TNRC18: variants seen among roughly 807,000 people sequenced by gnomAD.
The protein encoded by TNRC18 is trinucleotide repeat-containing gene 18 protein.
A neutral mutation model predicts 226.7 loss-of-function variants in TNRC18; 69 were observed. The observed-to-expected ratio is 0.30, with a 90% CI of 0.25 to 0.37. The LOEUF (loss-of-function observed/expected upper bound fraction) is 0.37. TNRC18 is among the 10% of genes least tolerant of loss of function. TNRC18 has a pLI of 1.00. For missense variants in TNRC18, 4,754 were observed against 4,256.6 expected, an observed-to-expected ratio of 1.12 and a Z score of -3.25; for synonymous variants, 2,449 against 1,927.6, an observed-to-expected ratio of 1.27 and a Z score of -7.09.
At chr7:5,391,335 A>T (rs1478818897) in intron 3 of TNRC18, among the ~76,000 whole-genome samples, 1 of 151,234 alleles carries the variant, frequency 6.6e-6, no homozygotes, top group Non-Finnish European at 1.5e-5. Context: ...TTTTTGAGAC[A>T]GAGTCTTACT....
At position 5,309,802 on chromosome 7, in the gene TNRC18, A is replaced by G. The variant is rs1259605492; in HGVS notation, c.8389-434T>C. 6.6e-6 allele frequency among the ~76,000 whole-genome samples: 1 copy of G among 152,166 alleles called. No individual in the cohort carries two copies. Among genetic ancestry groups the G allele is most frequent in the African/African-American group, 2.4e-5 (1 of 41,438 alleles). On this transcript the variant is annotated intron_variant, in intron 27 of 29. Coordinates refer to ENST00000430969, the MANE Select transcript of TNRC18 (RefSeq NM_001080495.3). The surrounding 1 kb of genome is among the most constrained non-coding windows in gnomAD (Gnocchi z 5.7). Reference sequence around the variant, plus strand: ...TTTTTGTAGAGAACAAGGTCTCACTATGTTGCCCAGGATGGTCTCAGACTT... The same window carrying G: ...TTTTTGTAGAGAACAAGGTCTCACTGTGTTGCCCAGGATGGTCTCAGACTT...
chr7:5,340,653 G>T (rs983894104), intron 18 of TNRC18, among the ~76,000 whole-genome samples: 22 of 151,334 alleles, frequency 1.5e-4, no homozygotes, highest in Non-Finnish European at 2.9e-4. Context: ...TGAGGCAGGA[G>T]AATCACTTGA....
intron 18 of TNRC18, among the ~76,000 whole-genome samples, chr7:5,340,584 A>AC (rs1369715811): frequency 1.3e-5 from 2 of 151,956 alleles, no homozygotes; most frequent in African/African-American, 2.4e-5. Flanking sequence ...TAAAAAAAAA[A>AC]ACACAAAAAT....
At chr7:5,349,098 C>T (rs1791513857) in intron 17 of TNRC18, among the ~76,000 whole-genome samples, 1 of 152,164 alleles carries the variant, frequency 6.6e-6, no homozygotes, top group Non-Finnish European at 1.5e-5. Context: ...GGGGGGAGGG[C>T]GAGCTCTGGG....
At chr7:5,323,550 T>C (rs1178452824) in intron 21 of TNRC18, among the ~76,000 whole-genome samples, 1 of 143,486 alleles carries the variant, frequency 7.0e-6, no homozygotes, top group African/African-American at 2.6e-5. Context: ...CCACTCGTTC[T>C]CTGTGCAGCA....
At chr7:5,379,128 C>T (rs1299803667) in intron 5 of TNRC18, among the ~76,000 whole-genome samples, 10 of 151,634 alleles carry the variant, frequency 6.6e-5, no homozygotes, top group Non-Finnish European at 1.5e-4. Flanking sequence ...ACTCAGGAGG[C>T]AGAGGTTGCA....
At position 5,357,147 on chromosome 7, in the gene TNRC18, T is replaced by C. The variant is rs1316689548; in HGVS notation, c.4963A>G (p.Lys1655Glu). The C allele has an allele frequency of 5.7e-6, 9 of 1,576,328 alleles. No homozygotes were observed. Among genetic ancestry groups the C allele is most frequent in the African/African-American group, 1.3e-5 (1 of 74,260 alleles). ...CCGCAGCCCCCGCTAGTTTTCGATT[T>C]CCCCCCAGCACTGTCCGAAAACTTG... ...PFKFSDSAGG[K>E]SKTSGGCGRY... The change falls in exon 16 of 30, where the codon AAA becomes GAA. Residue 1655 changes from lysine to glutamate, a missense_variant. Lys to Glu is a moderately conservative substitution (Grantham distance 56, BLOSUM62 1). Coordinates refer to ENST00000430969, the MANE Select transcript of TNRC18 (RefSeq NM_001080495.3).
At chr7:5,375,883 G>A in intron 9 of TNRC18, 151 bp downstream of exon 9, 5 of 751,268 alleles carry the variant, frequency 6.7e-6, no homozygotes, top group Non-Finnish European at 8.4e-6. Flanking sequence ...CGGTTCCACT[G>A]CTGCCTCCTC....
chr7:5,338,148 A>T (rs1468941326), intron 18 of TNRC18, among the ~76,000 whole-genome samples: 1 of 152,222 alleles, frequency 6.6e-6, no homozygotes, highest in African/African-American at 2.4e-5. Flanking sequence ...GGATGTAAAA[A>T]GGAATGTATA....
At chr7:5,336,703 C>T (rs1790147701) in intron 18 of TNRC18, among the ~76,000 whole-genome samples, 1 of 152,226 alleles carries the variant, frequency 6.6e-6, no homozygotes, top group Non-Finnish European at 1.5e-5. Context: ...GATTGTGCTA[C>T]TGCATTCCAG....
In TNRC18 at chr7:5,388,656, T is replaced by C. The variant is rs775016757; in HGVS notation, c.1168A>G (p.Ile390Val). Residue 390 changes from isoleucine to valine, a missense_variant, in exon 5 of 30, where the codon ATC becomes GTC. Physicochemically the swap from Ile to Val is conservative, Grantham distance 29. Coordinates refer to ENST00000430969, the MANE Select transcript of TNRC18 (RefSeq NM_001080495.3). The part of the protein sequence containing the change: ...AFDERPGPIQ[I>V]ASQARDARAR... ...CGGGCATCGCGCGCCTGGGATGCGA[T>C]CTGGATGGGCCCCGGGCGCTCGTCG... is the stretch of plus-strand genomic sequence containing the variant. 28 of 1,277,158 alleles carry C rather than the reference T, an allele frequency of 2.2e-5. No homozygotes were observed. The South Asian group carries it at 5.4e-4, about 25-fold the overall frequency. The allele number at this position is 1,277,158 out of a possible 1,614,324, so 79.1% of individuals were successfully genotyped here. A position where few individuals can be genotyped will look rare whatever the true frequency, so the allele number is the denominator to read the frequency against.
chr7:5,344,296 T>C (rs1483485337), intron 18 of TNRC18, among the ~76,000 whole-genome samples: 1 of 151,918 alleles, frequency 6.6e-6, no homozygotes, highest in Non-Finnish European at 1.5e-5. Context: ...CGGGAAGCCA[T>C]TTGGAGGTTC....
chr7:5,357,602 C>G (rs541268260), intron 15 of TNRC18, among the ~76,000 whole-genome samples: 11 of 152,152 alleles, frequency 7.2e-5, no homozygotes, highest in Non-Finnish European at 1.5e-4. Flanking sequence ...CCCGCCTCAG[C>G]TTTTCTGGTA....
Position 5,312,449 on chromosome 7 carries a change from G to A in TNRC18, c.8388+54C>T, listed in dbSNP as rs996568983. ...ACAGCATGAAGCCGTGGGCCCAGCA[G>A]AGAGACACAAGGCCCCCGGCCCCTC... On this transcript the variant is annotated intron_variant, in intron 27 of 29. Coordinates refer to ENST00000430969, the MANE Select transcript of TNRC18 (RefSeq NM_001080495.3). This position sits in a 1 kb window ranked among gnomAD's most constrained non-coding sequence, Gnocchi z 6.3. The A allele has an allele frequency of 6.9e-6, 11 of 1,589,326 alleles. No homozygotes were observed. The highest frequency in any genetic ancestry group is 5.7e-5 in the South Asian group (5 of 88,494).
intron 18 of TNRC18, 36 bp downstream of exon 18, chr7:5,345,526 A>ACCACCCCC: frequency 5.6e-6 from 1 of 177,496 alleles, no homozygotes; most frequent in Non-Finnish European, 1.1e-5. Flanking sequence ...CGCCCCTCCC[A>ACCACCCCC]CCCACCCCCA....
rs1787336926 is a variant in TNRC18, at chr7:5,312,568, G to A, written c.8323C>T (p.Arg2775Trp). Residue 2775 changes from arginine to tryptophan, a missense_variant, in exon 27 of 30, where the codon CGG becomes TGG. Arg to Trp is a moderately radical substitution (Grantham distance 101, BLOSUM62 -3). Coordinates refer to ENST00000430969, the MANE Select transcript of TNRC18 (RefSeq NM_001080495.3). This position sits in a 1 kb window ranked among gnomAD's most constrained non-coding sequence, Gnocchi z 6.3. ...GGCAGGAAGGCGGCGATCTTGGGCC[G>A]GTTCTCCACGGACGGCAGGCGCTGC... Reference protein sequence around the residue: ...KRQRLPSVENRPKIAAFLPAR... With the variant: ...KRQRLPSVENWPKIAAFLPAR... 1.2e-6 allele frequency: 2 copies of A among 1,611,300 alleles called. No homozygotes were observed. The highest frequency in any genetic ancestry group is 8.5e-7 in the Non-Finnish European group (1 of 1,179,372).
In TNRC18 at chr7:5,388,234, G is replaced by GTGC; in HGVS notation, c.1587_1589dup (p.Gln529dup). On this transcript the variant is annotated inframe_insertion, in exon 5 of 30. Coordinates refer to ENST00000430969, the MANE Select transcript of TNRC18 (RefSeq NM_001080495.3). ...CCTCCTCTTCGGCGCGGCTGTGGTG[G>GTGC]TGCTGCGCGGCCAGCACGGCCATCT... is the stretch of plus-strand genomic sequence containing the variant. 1 of 1,605,576 alleles carries GTGC rather than the reference G, an allele frequency of 6.2e-7. No homozygotes were observed. Among genetic ancestry groups the GTGC allele is most frequent in the Non-Finnish European group, 8.5e-7 (1 of 1,177,142 alleles).
chr7:5,354,337 C>T (rs989404954), intron 16 of TNRC18, among the ~76,000 whole-genome samples: 1 of 152,114 alleles, frequency 6.6e-6, no homozygotes, highest in African/African-American at 2.4e-5. Context: ...ACCTCCAGCT[C>T]CACCCCATCC....
intron 22 of TNRC18, 133 bp downstream of exon 22, chr7:5,320,940 A>G (rs1788289364): frequency 1.4e-6 from 1 of 695,446 alleles, no homozygotes; most frequent in Non-Finnish European, 2.4e-6. Flanking sequence ...CTCTGAGCCC[A>G]CTCATGCCCC....
Sources: gnomAD v4.1 joint callset for allele counts (sites outside exome capture counted in the v4.1 genomes callset) on GRCh38, gnomAD v4.1.1 for gene constraint, Gnocchi (gnomAD v3.1) non-coding constraint, MANE v1.5 for transcripts, NCBI Gene and HGNC (gene_info 2026-07-23, HGNC 2026-07-21) for gene names.